The following RARB variants were observed in gnomAD, a reference collection of about 807,000 sequenced individuals.
The protein encoded by RARB is HBV-activated protein.
RARB carries 17 observed loss-of-function variants against 51.9 expected under a neutral mutation model. The ratio of observed to expected loss-of-function variants is 0.33; its 90% CI spans 0.22 to 0.49. The LOEUF is 0.49. Ranked by LOEUF, RARB falls within the 20% of genes least tolerant of loss-of-function variation. The pLI, the probability that RARB is intolerant of heterozygous loss-of-function variation, is 0.99. For missense variants in RARB, 369 were observed against 550.8 expected (o/e 0.67, Z 3.30); for synonymous variants, 215 against 195.4 (o/e 1.10, Z -0.84).
chr3:25,116,653 A>T (rs1360142827), intron 3 of RARB, among the ~76,000 whole-genome samples: 1 of 151,870 alleles, frequency 6.6e-6, no homozygotes, highest in Non-Finnish European at 1.5e-5. Context: ...ATGCAAGAGG[A>T]TGTGAAGCTA....
At chr3:25,184,936 G>A (rs961701687) in intron 5 of RARB, among the ~76,000 whole-genome samples, 2 of 151,956 alleles carry the variant, frequency 1.3e-5, no homozygotes, top group African/African-American at 2.4e-5. Flanking sequence ...GTAAATAATA[G>A]CATTCATTAT....
intron 4 of RARB, among the ~76,000 whole-genome samples, chr3:25,165,214 C>T (rs772700026): frequency 6.6e-6 from 1 of 152,140 alleles, no homozygotes; most frequent in Non-Finnish European, 1.5e-5. Flanking sequence ...GTTGTAGCTA[C>T]TGTGACTCTT....
At chr3:25,211,044 T>C (rs1375425336) in intron 5 of RARB, among the ~76,000 whole-genome samples, 2 of 152,206 alleles carry the variant, frequency 1.3e-5, no homozygotes, top group Non-Finnish European at 2.9e-5. Flanking sequence ...GATAAAGTTG[T>C]AAAGATTAAT....
chr3:25,254,524 T>C (rs1702812259), intron 5 of RARB, among the ~76,000 whole-genome samples: 1 of 152,178 alleles, frequency 6.6e-6, no homozygotes, highest in South Asian at 2.1e-4. Flanking sequence ...ATATCATTAT[T>C]GGGACACTAC....
chr3:25,406,444 G>T (rs1707411034), intron 5 of RARB, among the ~76,000 whole-genome samples: 1 of 152,188 alleles, frequency 6.6e-6, no homozygotes, highest in Non-Finnish European at 1.5e-5. Flanking sequence ...AGTGGGGTTG[G>T]TCTCTCCTGA....
At chr3:24,906,524 C>G (rs1310579258) in intron 2 of RARB, among the ~76,000 whole-genome samples, 1 of 152,080 alleles carries the variant, frequency 6.6e-6, no homozygotes, top group South Asian at 2.1e-4. Flanking sequence ...AGGCTAACTT[C>G]TCTAATCTTC....
intron 2 of RARB, among the ~76,000 whole-genome samples, chr3:24,987,071 G>A (rs1390174349): frequency 3.3e-5 from 5 of 151,992 alleles, no homozygotes; most frequent in Non-Finnish European, 2.9e-5. Flanking sequence ...TAATCACTTC[G>A]CTTTTGGTGC....
intron 3 of RARB, among the ~76,000 whole-genome samples, chr3:25,549,089 G>A (rs1699737814): frequency 1.3e-5 from 2 of 151,856 alleles, no homozygotes. Context: ...AGCTCCATTT[G>A]ATCTGGTATG....
At chr3:24,964,230 A>G (rs1213504216) in intron 2 of RARB, among the ~76,000 whole-genome samples, 2 of 152,074 alleles carry the variant, frequency 1.3e-5, no homozygotes, top group Non-Finnish European at 2.9e-5. Flanking sequence ...TAATTTGGTT[A>G]TATAAAGGCT....
intron 5 of RARB, among the ~76,000 whole-genome samples, chr3:25,387,391 A>G (rs1449918640): frequency 6.6e-6 from 1 of 152,148 alleles, no homozygotes; most frequent in Non-Finnish European, 1.5e-5. Flanking sequence ...TTCCTACAGC[A>G]CCTTATGGGT....
At chr3:24,862,218 G>A (rs1372355420) in intron 2 of RARB, among the ~76,000 whole-genome samples, 1 of 152,150 alleles carries the variant, frequency 6.6e-6, no homozygotes, top group Non-Finnish European at 1.5e-5. Context: ...TCTCACTCTT[G>A]TTATAGATTC....
At chr3:25,281,021 CA>C (rs1703508438) in intron 5 of RARB, among the ~76,000 whole-genome samples, 1 of 152,142 alleles carries the variant, frequency 6.6e-6, no homozygotes, top group Admixed American at 6.5e-5. Context: ...TCAAAGTCAG[CA>C]AAAGCCAGAG....
chr3:24,893,009 C>T (rs1055194650), intron 2 of RARB, among the ~76,000 whole-genome samples: 1 of 152,186 alleles, frequency 6.6e-6, no homozygotes, highest in African/African-American at 2.4e-5. Flanking sequence ...CAAGAGAATT[C>T]TGTGTGTTTC....
In RARB at chr3:24,865,838, T is replaced by C. The variant is rs1162613112; in HGVS notation, c.-380+7086T>C. 3.3e-5 allele frequency among the ~76,000 whole-genome samples: 5 copies of C among 152,324 alleles called. No individual in the cohort carries two copies. The East Asian group carries it at 9.6e-4, about 29-fold the overall frequency. On this transcript the variant is annotated intron_variant, in intron 2 of 11. Transcript: ENST00000383772. ...TGCTACAGTGAGGTTATTGTGGCTT[T>C]GACCTAATTGTGCAGCCTGAGACAT...
At chr3:24,890,559 G>T (rs1703358514) in intron 2 of RARB, among the ~76,000 whole-genome samples, 1 of 152,092 alleles carries the variant, frequency 6.6e-6, no homozygotes, top group African/African-American at 2.4e-5. Context: ...AATCAGCCTG[G>T]GGAGGGTAGA....
chr3:24,964,197 A>G (rs1210035560), intron 2 of RARB, among the ~76,000 whole-genome samples: 1 of 152,082 alleles, frequency 6.6e-6, no homozygotes, highest in Non-Finnish European at 1.5e-5. Context: ...AAGTAAGGTT[A>G]GCACTGTGGA....
At chr3:25,313,661 G>T (rs1309189188) in intron 5 of RARB, among the ~76,000 whole-genome samples, 2 of 152,158 alleles carry the variant, frequency 1.3e-5, no homozygotes, top group African/African-American at 2.4e-5. Context: ...CTAAGCTCCT[G>T]TGTCAGCAGG....
intron 5 of RARB, among the ~76,000 whole-genome samples, chr3:25,336,070 A>G (rs969270530): frequency 1.4e-4 from 17 of 125,174 alleles, no homozygotes; most frequent in African/African-American, 4.3e-4. Context: ...CTGGGGAGGG[A>G]AAAAAAAAAA....
At chr3:25,259,894 A>G in intron 5 of RARB, 1 of 984,886 alleles carries the variant, frequency 1.0e-6, no homozygotes, top group Non-Finnish European at 1.2e-6. Context: ...CCTGGACAAG[A>G]TTAGGGAAGG....
Sources: gnomAD v4.1 joint callset for allele counts (sites outside exome capture counted in the v4.1 genomes callset) on GRCh38, gnomAD v4.1.1 for gene constraint, MANE v1.5 for transcripts, NCBI Gene and HGNC (gene_info 2026-07-23, HGNC 2026-07-21) for gene names.